VIPR2: variants seen among roughly 807,000 people sequenced by gnomAD.
VIPR2 encodes vasoactive intestinal polypeptide receptor 2.
VIPR2 carries 48 observed loss-of-function variants against 58.0 expected under a neutral mutation model. The ratio of observed to expected loss-of-function variants is 0.83; its 90% CI spans 0.66 to 1.05. The LOEUF (loss-of-function observed/expected upper bound fraction) is 1.05, where lower values mean the gene tolerates loss of function less well. VIPR2 is among the 50% of genes least tolerant of loss of function. The pLI is 0.00. For missense variants in VIPR2, 534 were observed against 558.0 expected (o/e 0.96, Z 0.43); for synonymous variants, 243 against 235.2 (o/e 1.03, Z -0.30).
At chr7:159,054,219 G>A (rs1855169424) in intron 5 of VIPR2, among the ~76,000 whole-genome samples, 1 of 152,008 alleles carries the variant, frequency 6.6e-6, no homozygotes, top group African/African-American at 2.4e-5. Flanking sequence ...ACTCACAGGT[G>A]GATTATGGAC....
intron 5 of VIPR2, among the ~76,000 whole-genome samples, chr7:159,055,678 T>C (rs1468236704): frequency 6.6e-6 from 1 of 152,058 alleles, no homozygotes; most frequent in Non-Finnish European, 1.5e-5. Context: ...CCTTTTTCCC[T>C]CTCTTATTTT....
At chr7:159,111,341 T>C (rs1795992889) in intron 2 of VIPR2, among the ~76,000 whole-genome samples, 1 of 152,194 alleles carries the variant, frequency 6.6e-6, no homozygotes, top group South Asian at 2.1e-4. Flanking sequence ...GTCTGGTTAT[T>C]TTGAAGGTTC....
chr7:159,032,058 G>C lies in VIPR2; in HGVS notation c.981C>G (p.Ala327=). ...GCGGGATAAGCAGGAGCGTGGACTTGGCCAGCCTCCTGCACAGAAGGAGAT... is the reference window on the plus strand; with the variant it reads ...GCGGGATAAGCAGGAGCGTGGACTTCGCCAGCCTCCTGCACAGAAGGAGAT... ...GNDQSQYKRL[A]KSTLLLIPLF... Residue 327 remains alanine (A), a synonymous_variant, in exon 11 of 13, where the codon GCC becomes GCG. Transcript: ENST00000262178. 6.2e-7 allele frequency: 1 copy of C among 1,614,008 alleles called. No individual in the cohort carries two copies. Among genetic ancestry groups the C allele is most frequent in the Non-Finnish European group, 8.5e-7 (1 of 1,180,026 alleles).
At chr7:159,080,504 C>T (rs1272463358) in intron 4 of VIPR2, among the ~76,000 whole-genome samples, 3 of 152,258 alleles carry the variant, frequency 2.0e-5, no homozygotes, top group South Asian at 2.1e-4. Context: ...AACCCACAGC[C>T]GATATCATAC....
intron 4 of VIPR2, among the ~76,000 whole-genome samples, chr7:159,062,531 T>C (rs1254637515): frequency 6.6e-6 from 1 of 151,642 alleles, no homozygotes; most frequent in African/African-American, 2.4e-5. Flanking sequence ...CTCTCTGGAG[T>C]TGTTCATTCC....
intron 3 of VIPR2, among the ~76,000 whole-genome samples, chr7:159,107,192 C>T (rs1795786949): frequency 6.6e-6 from 1 of 152,220 alleles, no homozygotes; most frequent in Non-Finnish European, 1.5e-5. Flanking sequence ...CCTGGCCCTA[C>T]ACCTGTGCTG....
At chr7:159,065,568 G>T (rs112343731) in intron 4 of VIPR2, among the ~76,000 whole-genome samples, 2 of 152,160 alleles carry the variant, frequency 1.3e-5, no homozygotes, top group African/African-American at 4.8e-5. Flanking sequence ...TGTCCTGTTT[G>T]AACCCTGAAT....
At chr7:159,068,559 G>A (rs964906075) in intron 4 of VIPR2, among the ~76,000 whole-genome samples, 2 of 152,264 alleles carry the variant, frequency 1.3e-5, no homozygotes, top group Non-Finnish European at 2.9e-5. Flanking sequence ...CAATTCTGAA[G>A]TCAGCGCAGA....
chr7:159,077,006 A>C (rs1451160216), intron 4 of VIPR2, among the ~76,000 whole-genome samples: 1 of 152,224 alleles, frequency 6.6e-6, no homozygotes, highest in Non-Finnish European at 1.5e-5. Flanking sequence ...CAATGAGTAG[A>C]GATTGACTTT....
intron 3 of VIPR2, among the ~76,000 whole-genome samples, chr7:159,109,155 A>G (rs1795890190): frequency 6.6e-6 from 1 of 152,154 alleles, no homozygotes; most frequent in African/African-American, 2.4e-5. Context: ...TATGTTTTCT[A>G]TTTTTCTGAA....
chr7:159,037,599 A>G (rs7777105), intron 6 of VIPR2, among the ~76,000 whole-genome samples: 15 of 152,338 alleles, frequency 9.8e-5, no homozygotes, highest in African/African-American at 3.6e-4. Flanking sequence ...TTAACTAAAC[A>G]TGAAAAAATA....
Position 159,034,078 on chromosome 7 carries a change from T to G in VIPR2, c.971+135A>C, listed in dbSNP as rs1483588840. On this transcript the variant is annotated intron_variant, in intron 10 of 12. Coordinates refer to ENST00000262178, the MANE Select transcript of VIPR2 (RefSeq NM_003382.5). ...TGAGCCTTGGGCAGGAGCAGAGCCC[T>G]GGGGCCCAGCCTCGAGGTGTGACAG... The G allele has an allele frequency of 4.0e-5, 32 of 799,134 alleles. No individual in the cohort carries two copies. The East Asian group carries it at 7.0e-4, about 17-fold the overall frequency. The allele number at this position is 799,134 out of a possible 1,614,324, so 49.5% of individuals were successfully genotyped here.
intron 4 of VIPR2, 98 bp downstream of exon 4, chr7:159,103,659 G>T: frequency 1.1e-6 from 1 of 937,200 alleles, no homozygotes; most frequent in Non-Finnish European, 1.7e-6. Context: ...GGATTATTTA[G>T]GGGAAAAATC....
intron 4 of VIPR2, among the ~76,000 whole-genome samples, chr7:159,065,506 G>T (rs917650370): frequency 6.6e-5 from 10 of 152,222 alleles, no homozygotes; most frequent in Admixed American, 2.0e-4. Flanking sequence ...CCTCTGTAAG[G>T]ATTCTCTGCG....
chr7:159,043,231 G>C, intron 5 of VIPR2, 55 bp from the exon 6 acceptor site: 1 of 1,316,630 alleles, frequency 7.6e-7, no homozygotes, highest in Non-Finnish European at 1.1e-6. Context: ...GAGGGAGGGA[G>C]AGAGAACCAG....
At chr7:159,116,124 C>T (rs1015384274) in intron 2 of VIPR2, among the ~76,000 whole-genome samples, 4 of 152,174 alleles carry the variant, frequency 2.6e-5, no homozygotes, top group African/African-American at 9.7e-5. Flanking sequence ...AGGGCTGGAG[C>T]AGTTGGTGGG....
chr7:159,079,018 C>A (rs893639317), intron 4 of VIPR2, among the ~76,000 whole-genome samples: 1 of 152,082 alleles, frequency 6.6e-6, no homozygotes, highest in Non-Finnish European at 1.5e-5. Context: ...ACTGAGATCC[C>A]ACTTTGAAGC....
Position 159,094,291 on chromosome 7 carries a change from G to A in VIPR2, c.357+9466C>T, listed in dbSNP as rs182477541. Among the ~76,000 whole-genome samples, 11 of 152,294 alleles carry A rather than the reference G, an allele frequency of 7.2e-5. No homozygotes were observed. In the East Asian group the frequency reaches 2.1e-3, roughly 29 times the overall value. On this transcript the variant is annotated intron_variant, in intron 4 of 12. Transcript: ENST00000262178. The stretch of plus-strand genomic sequence containing the variant: ...CGTGGAATCTTGCCCCTTAAATCTT[G>A]CTGTCTGAGGAATGGGGACATCATT...
chr7:159,093,595 G>A lies in VIPR2; in HGVS notation c.357+10162C>T, dbSNP rs908743909. 3.9e-5 allele frequency among the ~76,000 whole-genome samples: 6 copies of A among 152,326 alleles called. No homozygotes were observed. Among genetic ancestry groups the A allele is most frequent in the African/African-American group, 7.2e-5 (3 of 41,580 alleles). ...CAGAGCAGCGCTGGGCTCAGGATCC[G>A]AGATGGGAGCGAGGAGCTGTTCCAC... On this transcript the variant is annotated intron_variant, in intron 4 of 12. Coordinates refer to ENST00000262178, the MANE Select transcript of VIPR2 (RefSeq NM_003382.5). The surrounding 1 kb of genome is among the most constrained non-coding windows in gnomAD (Gnocchi z 6.7).
Sources: gnomAD v4.1 joint callset for allele counts (sites outside exome capture counted in the v4.1 genomes callset) on GRCh38, gnomAD v4.1.1 for gene constraint, Gnocchi (gnomAD v3.1) non-coding constraint, MANE v1.5 for transcripts, NCBI Gene and HGNC (gene_info 2026-07-23, HGNC 2026-07-21) for gene names.